Variants in OR51B5 observed in about 807,000 individuals in gnomAD.
The protein encoded by OR51B5 is olfactory receptor family 51 subfamily B member 5, also known as olfactory receptor 51B5.
For synonymous variants in OR51B5, 186 were observed against 144.8 expected (o/e 1.28, Z -2.04); for missense variants, 456 against 374.6 (o/e 1.22, Z -1.79).
At chr11:5,343,409 C>T (rs2133678676) in exon 1 of OR51B5, 3 of 1,612,688 alleles carry the variant, frequency 1.9e-6, no homozygotes, top group East Asian at 2.2e-5. Flanking sequence ...GGTGCCATTG[C>T]CAAAAAGGAT....
At chr11:5,424,401 A>G (rs921970802) in intron 1 of OR51B5, among the ~76,000 whole-genome samples, 2 of 152,184 alleles carry the variant, frequency 1.3e-5, no homozygotes, top group African/African-American at 4.8e-5. Context: ...AAGATGAAAG[A>G]GTCCTGCTAC....
At chr11:5,457,505 G>A (rs1850977639) in intron 1 of OR51B5, among the ~76,000 whole-genome samples, 1 of 152,066 alleles carries the variant, frequency 6.6e-6, no homozygotes, top group African/African-American at 2.4e-5. Context: ...AGGATTTTGG[G>A]GTCAATGGGT....
chr11:5,483,858 G>A (rs1026188993), intron 1 of OR51B5, among the ~76,000 whole-genome samples: 1 of 152,090 alleles, frequency 6.6e-6, no homozygotes, highest in African/African-American at 2.4e-5. Flanking sequence ...CTGAACTGAA[G>A]ACATTAGCCC....
intron 1 of OR51B5, among the ~76,000 whole-genome samples, chr11:5,407,771 T>C (rs1850080730): frequency 6.6e-6 from 1 of 152,066 alleles, no homozygotes; most frequent in South Asian, 2.1e-4. Context: ...ACTTTATAAA[T>C]TTCAATGTTA....
chr11:5,363,503 C>T (rs997627728), intron 1 of OR51B5, among the ~76,000 whole-genome samples: 1 of 152,044 alleles, frequency 6.6e-6, no homozygotes, highest in African/African-American at 2.4e-5. Context: ...CATAAACACA[C>T]ATCACCACCA....
At chr11:5,344,489 C>T (rs1023949243), upstream of OR51B5, among the ~76,000 whole-genome samples, 3 of 152,234 alleles carry the variant, frequency 2.0e-5, no homozygotes, top group Middle Eastern at 3.4e-3. Context: ...CTGTTCTCCC[C>T]AATACTGAGT....
chr11:5,372,697 TC>T (rs1329184909), intron 1 of OR51B5, among the ~76,000 whole-genome samples: 1 of 152,238 alleles, frequency 6.6e-6, no homozygotes, highest in Admixed American at 6.5e-5. Context: ...AAATATTTTC[TC>T]CCAAACTGTT....
chr11:5,449,067 GCTC>G (rs1850808427), intron 1 of OR51B5, among the ~76,000 whole-genome samples: 1 of 152,204 alleles, frequency 6.6e-6, no homozygotes, highest in Non-Finnish European at 1.5e-5. Context: ...GAGGTAATGA[GCTC>G]CTCTCTTACA....
chr11:5,365,805 G>A (rs1255157016), intron 1 of OR51B5, among the ~76,000 whole-genome samples: 6 of 152,170 alleles, frequency 3.9e-5, no homozygotes, highest in Non-Finnish European at 7.3e-5. Context: ...ACATTGTCTA[G>A]CACATTATAG....
At chr11:5,373,945 A>T (rs1849482484) in intron 1 of OR51B5, among the ~76,000 whole-genome samples, 3 of 152,196 alleles carry the variant, frequency 2.0e-5, no homozygotes, top group Non-Finnish European at 4.4e-5. Flanking sequence ...TGCAGACTTA[A>T]ATGTCCCTGT....
At chr11:5,347,817 GAAC>G (rs1849015870), upstream of OR51B5, among the ~76,000 whole-genome samples, 2 of 152,064 alleles carry the variant, frequency 1.3e-5, no homozygotes, top group Admixed American at 1.3e-4. Flanking sequence ...AGGGAGGGAA[GAAC>G]AATAATTATC....
chr11:5,482,044 C>G (rs1851431077), intron 1 of OR51B5, among the ~76,000 whole-genome samples: 1 of 120,122 alleles, frequency 8.3e-6, no homozygotes, highest in Non-Finnish European at 1.7e-5. Context: ...GCCTGCATCA[C>G]CAAGGCAATC....
intron 1 of OR51B5, chr11:5,422,380 C>G: frequency 6.2e-7 from 1 of 1,614,188 alleles, no homozygotes; most frequent in Non-Finnish European, 8.5e-7. Context: ...TCCACCAGCG[C>G]ATGTATCTGT....
Position 5,477,196 on chromosome 11 carries a change from G to C in OR51B5, n.84+28373C>G, listed in dbSNP as rs182268993. ...CATCAACTGAATTTCGTGAGCGCCAGGGGAGATGAGTCTCTTGGGGGCCCC... is the reference window on the plus strand; with the variant it reads ...CATCAACTGAATTTCGTGAGCGCCACGGGAGATGAGTCTCTTGGGGGCCCC... On this transcript the variant is annotated intron_variant and non_coding_transcript_variant, in intron 1 of 4. Transcript: ENST00000415970. 2.0e-5 allele frequency among the ~76,000 whole-genome samples: 3 copies of C among 152,174 alleles called. No individual in the cohort carries two copies. In the East Asian group the frequency reaches 6.0e-4, roughly 30 times the overall value.
At chr11:5,448,890 A>T (rs1454540817) in intron 1 of OR51B5, among the ~76,000 whole-genome samples, 1 of 152,252 alleles carries the variant, frequency 6.6e-6, no homozygotes, top group Non-Finnish European at 1.5e-5. Flanking sequence ...TTATTATCTG[A>T]ATGTGACCAG....
chr11:5,433,862 T>C (rs535082273), intron 1 of OR51B5, among the ~76,000 whole-genome samples: 1 of 151,964 alleles, frequency 6.6e-6, no homozygotes, highest in Non-Finnish European at 1.5e-5. Flanking sequence ...ACTATGACTA[T>C]GGAGACAAGA....
At chr11:5,342,601 A>G (rs745696979) in exon 1 of OR51B5, 3 of 1,588,022 alleles carry the variant, frequency 1.9e-6, no homozygotes, top group Non-Finnish European at 1.7e-6. Flanking sequence ...TTCCAATTCT[A>G]TGGGTAGTAA....
intron 1 of OR51B5, among the ~76,000 whole-genome samples, chr11:5,460,956 GGC>G (rs1256340171): frequency 6.6e-6 from 1 of 152,188 alleles, no homozygotes. Flanking sequence ...GCACTGGAGG[GGC>G]CAAGGTGCTC....
At chr11:5,440,123 ATCT>A (rs993007494) in intron 1 of OR51B5, among the ~76,000 whole-genome samples, 8 of 152,148 alleles carry the variant, frequency 5.3e-5, no homozygotes, top group Non-Finnish European at 8.8e-5. Context: ...AACAAAGTAG[ATCT>A]TCTCTCTTGC....
Sources: allele counts gnomAD v4.1 joint callset (sites outside exome capture counted in the v4.1 genomes callset), GRCh38; gene constraint gnomAD v4.1.1; transcripts MANE v1.5; gene names NCBI Gene and HGNC (gene_info 2026-07-23, HGNC 2026-07-21).